MEIOC: variants seen among roughly 807,000 people sequenced by gnomAD.
MEIOC encodes the protein meiosis-specific coiled-coil domain-containing protein MEIOC.
In MEIOC, 9 loss-of-function variants were observed where a neutral mutation model predicts 85.3. That is an observed-to-expected ratio of 0.11 (90% confidence interval 0.06 to 0.18). The LOEUF is 0.18. MEIOC is among the 10% of genes least tolerant of loss of function. The probability of loss-of-function intolerance (pLI) is 1.00; values close to 1 mark genes in which losing one functional copy is unlikely to be tolerated. For synonymous variants in MEIOC, 365 were observed against 393.7 expected (o/e 0.93, Z 0.86); for missense variants, 898 against 1,129.4 (o/e 0.80, Z 2.94).
intron 3 of MEIOC, among the ~76,000 whole-genome samples, chr17:44,664,629 G>A (rs1411299185): frequency 6.6e-6 from 1 of 152,154 alleles, no homozygotes; most frequent in African/African-American, 2.4e-5. Flanking sequence ...AAACACCTCT[G>A]ATCCCAAGCA....
chr17:44,659,044 G>T (rs1316674395), intron 2 of MEIOC, among the ~76,000 whole-genome samples: 4 of 151,672 alleles, frequency 2.6e-5, no homozygotes, highest in African/African-American at 7.3e-5. Flanking sequence ...TAAATTATAT[G>T]CTACCACTTA....
At chr17:44,658,775 AGAGT>A (rs1412471279) in intron 2 of MEIOC, among the ~76,000 whole-genome samples, 1 of 149,226 alleles carries the variant, frequency 6.7e-6, no homozygotes, top group African/African-American at 2.5e-5. Flanking sequence ...CCTGGGTGAC[AGAGT>A]GAGACTCCCT....
At chr17:44,662,694 C>T (rs1971857304) in intron 3 of MEIOC, among the ~76,000 whole-genome samples, 1 of 152,158 alleles carries the variant, frequency 6.6e-6, no homozygotes. Context: ...CTCTGTCACC[C>T]AGTCTGGAGT....
Position 44,656,571 on chromosome 17 carries a change from C to A in MEIOC, c.-43C>A. On this transcript the variant is annotated 5_prime_UTR_variant, in exon 1 of 8. Coordinates refer to ENST00000409122, the MANE Select transcript of MEIOC (RefSeq NM_001145080.3). ...GACGCCCCCCCCATCACCCCCGTAC[C>A]CCAGGAGCTGTGCCTAGTCCAGGAG... 1 of 1,404,784 alleles carries A rather than the reference C, an allele frequency of 7.1e-7. No individual in the cohort carries two copies. The highest frequency in any genetic ancestry group is 3.2e-5 in the Admixed American group (1 of 31,238). 87.0% of individuals were successfully genotyped at this position (1,404,784 alleles called of 1,614,324 possible). A position where few individuals can be genotyped will look rare whatever the true frequency, so the allele number is the denominator to read the frequency against.
At position 44,671,867 on chromosome 17, in the gene MEIOC, C is replaced by G. The variant is rs1286579851; in HGVS notation, c.2458-1499C>G. 2.7e-5 allele frequency among the ~76,000 whole-genome samples: 4 copies of G among 150,634 alleles called. No individual in the cohort carries two copies. In the East Asian group the frequency reaches 7.8e-4, roughly 29 times the overall value. ...CTTGCAGTGAGCCGAGATCGCGCCA[C>G]TGCACTCCAGCCTGGGCGACAGAGC... On this transcript the variant is annotated intron_variant, in intron 6 of 7. Transcript: ENST00000409122.
At chr17:44,669,287 G>GAAAT in intron 5 of MEIOC, 96 bp from the exon 6 acceptor site, 8 of 919,882 alleles carry the variant, frequency 8.7e-6, no homozygotes, top group Non-Finnish European at 4.9e-6. Context: ...CATTTAAAGT[G>GAAAT]GTAATACTCT....
rs116738118 is a variant in MEIOC, at chr17:44,665,962, A to G, written c.465-414A>G. 6.1e-3 allele frequency among the ~76,000 whole-genome samples: 936 copies of G among 152,318 alleles called. 12 individuals carry two copies. The highest frequency in any genetic ancestry group is 0.021 in the African/African-American group (885 of 41,588). ...GAAGTATGTAGCACACATATAACCA[A>G]TTAAAATATTTTAATTTCACAAAGT... On this transcript the variant is annotated intron_variant, in intron 4 of 7. Transcript: ENST00000409122.
chr17:44,665,157 T>G, intron 3 of MEIOC: 2 of 1,068,396 alleles, frequency 1.9e-6, no homozygotes, highest in Non-Finnish European at 2.3e-6. Flanking sequence ...CACTGTAAGT[T>G]AGATATAGGA....
At chr17:44,665,204 A>T in intron 3 of MEIOC, 180 bp from the exon 4 acceptor site, 4 of 981,614 alleles carry the variant, frequency 4.1e-6, no homozygotes, top group Non-Finnish European at 5.2e-6. Flanking sequence ...TGGAAAAGAC[A>T]TTTCCACATA....
intron 3 of MEIOC, chr17:44,665,044 A>G: frequency 1.5e-6 from 1 of 667,730 alleles, no homozygotes; most frequent in Non-Finnish European, 1.9e-6. Flanking sequence ...TTTCAGGAGC[A>G]GCTATGATAC....
chr17:44,667,628 C>G lies in MEIOC; in HGVS notation c.1717C>G (p.Leu573Val), dbSNP rs1391897194. Residue 573 changes from leucine (L) to valine (V), a missense_variant, in exon 5 of 8, where the codon CTC becomes GTC. Around this residue, in one of 2 missense-constraint regions of MEIOC, gnomAD observed 734 missense variants for 860.1 expected, o/e 0.85. Coordinates refer to ENST00000409122, the MANE Select transcript of MEIOC (RefSeq NM_001145080.3). Reference protein sequence around the residue: ...EGLTKPGEENLFKLVTDKKIK... With the variant: ...EGLTKPGEENVFKLVTDKKIK... ...ACTAACAAAGCCTGGAGAAGAAAAT[C>G]TCTTCAAATTGGTTACGGATAAAAA... The G allele has an allele frequency of 6.2e-7, 1 of 1,612,856 alleles. No homozygotes were observed. Among genetic ancestry groups the G allele is most frequent in the Non-Finnish European group, 8.5e-7 (1 of 1,179,438 alleles).
chr17:44,657,183 C>T lies in MEIOC; in HGVS notation c.126C>T (p.Ala42=), dbSNP rs1971772862. ...ANRCWNLGAD[A]GSRLTDVFGS... The stretch of plus-strand genomic sequence containing the variant: ...GCTGTTGGAACCTCGGCGCCGACGC[C>T]GGCAGCAGGTTAACCGACGTCTTCG... Residue 42 remains alanine, a synonymous_variant, in exon 2 of 8, where the codon GCC becomes GCT. Transcript: ENST00000409122. The T allele has an allele frequency of 6.4e-7, 1 of 1,551,864 alleles. No homozygotes were observed. Among genetic ancestry groups the T allele is most frequent in the Non-Finnish European group, 8.7e-7 (1 of 1,147,012 alleles).
chr17:44,674,947 A>G lies in MEIOC; in HGVS notation c.*751A>G, dbSNP rs769505618. 2.9e-5 allele frequency: 28 copies of G among 978,338 alleles called. No homozygotes were observed. The highest frequency in any genetic ancestry group is 3.3e-5 in the Non-Finnish European group (27 of 823,538). 60.6% of individuals were successfully genotyped at this position (978,338 alleles called of 1,614,324 possible). ...TGTTTCCAATTTTAAAGTTATTTAA[A>G]TTGAATCACAAAACATTCCCTTTAT... On this transcript the variant is annotated 3_prime_UTR_variant, in exon 8 of 8. Transcript: ENST00000409122.
In MEIOC at chr17:44,673,475, G is replaced by T. The variant is rs775516997; in HGVS notation, c.2567G>T (p.Arg856Leu). 24 of 1,551,330 alleles carry T rather than the reference G, an allele frequency of 1.5e-5. No individual in the cohort carries two copies. The highest frequency in any genetic ancestry group is 2.1e-5 in the Non-Finnish European group (24 of 1,146,936). The change falls in exon 7 of 8, where the codon CGT becomes CTT. Residue 856 changes from arginine (R) to leucine (L), a missense_variant. By Grantham distance (102) the Arg-to-Leu change is moderately radical. This residue lies in a region of MEIOC where 164 missense variants were observed against 269.2 expected (regional missense o/e 0.61). Transcript: ENST00000409122. ...GAGTCTATTCACATTGTACAGTCAC[G>T]TAGAAAGGATGAAATTGTTAATGCT... ...HLESIHIVQS[R>L]RKDEIVNASN...
Position 44,667,607 on chromosome 17 carries a change from A to G in MEIOC, c.1696A>G (p.Thr566Ala), listed in dbSNP as rs1439715954. 64 of 1,613,500 alleles carry G rather than the reference A, an allele frequency of 4.0e-5. No homozygotes were observed. Among genetic ancestry groups the G allele is most frequent in the Non-Finnish European group, 5.2e-5 (61 of 1,179,732 alleles). ...ATCTGTCAATCACATAGAAGGACTA[A>G]CAAAGCCTGGAGAAGAAAATCTCTT... ...IQSVNHIEGL[T>A]KPGEENLFKL... The change falls in exon 5 of 8, where the codon ACA becomes GCA. Residue 566 changes from threonine (T) to alanine (A), a missense_variant. Coordinates refer to ENST00000409122, the MANE Select transcript of MEIOC (RefSeq NM_001145080.3).
Position 44,674,977 on chromosome 17 carries a change from A to G in MEIOC, c.*781A>G, listed in dbSNP as rs1568137030. The G allele has an allele frequency of 2.0e-6, 2 of 982,242 alleles. No homozygotes were observed. Among genetic ancestry groups the G allele is most frequent in the Non-Finnish European group, 2.4e-6 (2 of 827,142 alleles). 60.8% of individuals were successfully genotyped at this position (982,242 alleles called of 1,614,324 possible). The stretch of plus-strand genomic sequence containing the variant: ...ATCACAAAACATTCCCTTTATCTGG[A>G]TCTTTTAGACTTGATGCACAGTAAC... On this transcript the variant is annotated 3_prime_UTR_variant, in exon 8 of 8. Coordinates refer to ENST00000409122, the MANE Select transcript of MEIOC (RefSeq NM_001145080.3).
chr17:44,668,993 G>A (rs1202781577), intron 5 of MEIOC, among the ~76,000 whole-genome samples: 1 of 152,190 alleles, frequency 6.6e-6, no homozygotes, highest in Non-Finnish European at 1.5e-5. Context: ...CACAAGGTCA[G>A]GAGTTGGAGA....
chr17:44,674,900 AATTAT>A lies in MEIOC; in HGVS notation c.*710_*714del. 1.0e-6 allele frequency: 1 copy of A among 966,830 alleles called. No individual in the cohort carries two copies. The highest frequency in any genetic ancestry group is 4.8e-5 in the South Asian group (1 of 20,912). 59.9% of individuals were successfully genotyped at this position (966,830 alleles called of 1,614,324 possible). A position where few individuals can be genotyped will look rare whatever the true frequency, so the allele number is the denominator to read the frequency against. On this transcript the variant is annotated 3_prime_UTR_variant, in exon 8 of 8. Coordinates refer to ENST00000409122, the MANE Select transcript of MEIOC (RefSeq NM_001145080.3). ...CATTTGTGTATATTCTTTAAATTTTAATTATATTATCAATTGTTAAATGTTTCCAA... is the reference window on the plus strand; with the variant it reads ...CATTTGTGTATATTCTTTAAATTTTAATTATCAATTGTTAAATGTTTCCAA...
intron 6 of MEIOC, among the ~76,000 whole-genome samples, chr17:44,672,796 A>G (rs2144677301): frequency 6.6e-6 from 1 of 152,338 alleles, no homozygotes; most frequent in East Asian, 1.9e-4. Flanking sequence ...CAGTTTTGAC[A>G]GTTACAGGAG....
Sources: gnomAD v4.1 joint callset for allele counts (sites outside exome capture counted in the v4.1 genomes callset) on GRCh38, gnomAD v4.1.1 for gene constraint, gnomAD v4.1.1 regional missense constraint, MANE v1.5 for transcripts, NCBI Gene and HGNC (gene_info 2026-07-23, HGNC 2026-07-21) for gene names.